KCNN3: variants seen among roughly 807,000 people sequenced by gnomAD.
KCNN3 encodes the protein potassium calcium-activated channel subfamily N member 3, also known as small conductance calcium-activated potassium channel protein 3.
A neutral mutation model predicts 62.9 loss-of-function variants in KCNN3; 16 were observed. The ratio of observed to expected loss-of-function variants is 0.25; its 90% CI spans 0.17 to 0.39. The LOEUF (loss-of-function observed/expected upper bound fraction) is 0.39. KCNN3 is among the 10% of genes least tolerant of loss of function. The probability of loss-of-function intolerance (pLI) is 1.00; values close to 1 mark genes in which losing one functional copy is unlikely to be tolerated. For missense variants in KCNN3, 599 were observed against 949.4 expected (o/e 0.63, Z 4.85); for synonymous variants, 370 against 389.2 (o/e 0.95, Z 0.58).
At chr1:154,860,007 GC>G in intron 1 of KCNN3, 3 of 221,214 alleles carry the variant, frequency 1.4e-5, no homozygotes, top group Non-Finnish European at 2.3e-5. Context: ...GTTACCCTGT[GC>G]CCAGGGCTTG....
chr1:154,756,117 G>A (rs1647680067), intron 3 of KCNN3, among the ~76,000 whole-genome samples: 1 of 131,768 alleles, frequency 7.6e-6, no homozygotes. Flanking sequence ...GAAGAAGGAA[G>A]AGGAAGATGA....
intron 2 of KCNN3, among the ~76,000 whole-genome samples, chr1:154,813,450 G>C (rs754222617): frequency 6.6e-6 from 1 of 152,090 alleles, no homozygotes; most frequent in Non-Finnish European, 1.5e-5. Flanking sequence ...GCCCGCAGGG[G>C]AGGAGGCGTG....
chr1:154,807,972 G>T (rs1397008823), intron 2 of KCNN3, among the ~76,000 whole-genome samples: 1 of 152,156 alleles, frequency 6.6e-6, no homozygotes, highest in Non-Finnish European at 1.5e-5. Flanking sequence ...TCTAAGGTCA[G>T]AGCAGGTCCC....
intron 3 of KCNN3, 46 bp from the exon 4 acceptor site, chr1:154,733,190 G>C: frequency 6.2e-7 from 1 of 1,605,412 alleles, no homozygotes; most frequent in Non-Finnish European, 8.5e-7. Flanking sequence ...GCCATTCCTG[G>C]GAGTAAGGGC....
At position 154,869,974 on chromosome 1, in the gene KCNN3, T is replaced by C; in HGVS notation, c.-10A>G. 4 of 1,609,852 alleles carry C rather than the reference T, an allele frequency of 2.5e-6. No individual in the cohort carries two copies. The highest frequency in any genetic ancestry group is 3.4e-6 in the Non-Finnish European group (4 of 1,178,154). On this transcript the variant is annotated 5_prime_UTR_variant, in exon 1 of 8. Transcript: ENST00000271915. The surrounding 1 kb of genome is among the most constrained non-coding windows in gnomAD (Gnocchi z 6.1). Reference sequence around the variant, plus strand: ...GCCCAGAAGTGTCCATCTTGGGGCCTGGCTGTATTCCCTGCAGCACAAGCC... The same window carrying C: ...GCCCAGAAGTGTCCATCTTGGGGCCCGGCTGTATTCCCTGCAGCACAAGCC...
At chr1:154,803,282 C>T (rs1342158280) in intron 2 of KCNN3, among the ~76,000 whole-genome samples, 3 of 152,218 alleles carry the variant, frequency 2.0e-5, no homozygotes, top group Non-Finnish European at 2.9e-5. Flanking sequence ...GGCTTTCACG[C>T]AAGCCCCAGG....
intron 3 of KCNN3, among the ~76,000 whole-genome samples, chr1:154,734,795 A>G (rs1222032941): frequency 6.6e-6 from 1 of 152,228 alleles, no homozygotes; most frequent in East Asian, 1.9e-4. Context: ...AACAGTCTTT[A>G]AAGTATTTCC....
At chr1:154,793,692 A>C (rs976896911) in intron 2 of KCNN3, among the ~76,000 whole-genome samples, 1 of 152,202 alleles carries the variant, frequency 6.6e-6, no homozygotes, top group African/African-American at 2.4e-5. Flanking sequence ...AATAGAACAC[A>C]AAAAGCCTGC....
At chr1:154,848,867 A>G (rs546950450) in intron 1 of KCNN3, among the ~76,000 whole-genome samples, 2 of 152,270 alleles carry the variant, frequency 1.3e-5, no homozygotes, top group East Asian at 1.9e-4. Flanking sequence ...CTTGCCTCAG[A>G]GTTACGGCAG....
chr1:154,705,387 C>CTT lies in KCNN3; in HGVS notation c.*2587_*2588dup, dbSNP rs201239563. Reference sequence around the variant, plus strand: ...CAGGATCAATGTGCAGGTTTGATCACTTTTTTTTTGAAGCATTTTCTTTTG... The same window carrying CTT: ...CAGGATCAATGTGCAGGTTTGATCACTTTTTTTTTTTGAAGCATTTTCTTTTG... On this transcript the variant is annotated 3_prime_UTR_variant, in exon 8 of 8. Transcript: ENST00000271915. 6.6e-6 allele frequency: 1 copy of CTT among 151,582 alleles called. No individual in the cohort carries two copies. The highest frequency in any genetic ancestry group is 6.6e-5 in the Admixed American group (1 of 15,226). The allele number at this position is 151,582 out of a possible 1,614,324, so 9.4% of individuals were successfully genotyped here. A position where few individuals can be genotyped will look rare whatever the true frequency, so the allele number is the denominator to read the frequency against.
chr1:154,818,238 A>T (rs949880697), intron 2 of KCNN3, among the ~76,000 whole-genome samples: 2 of 152,202 alleles, frequency 1.3e-5, no homozygotes, highest in African/African-American at 4.8e-5. Flanking sequence ...CCATCTTCCA[A>T]CAATGGAGGC....
At chr1:154,820,407 A>G (rs1048477890) in intron 2 of KCNN3, among the ~76,000 whole-genome samples, 1 of 152,234 alleles carries the variant, frequency 6.6e-6, no homozygotes, top group African/African-American at 2.4e-5. Context: ...AGCCTGGGTC[A>G]TAACTGAGTT....
intron 2 of KCNN3, among the ~76,000 whole-genome samples, chr1:154,807,144 T>G (rs1480243699): frequency 6.6e-6 from 1 of 151,842 alleles, no homozygotes; most frequent in Non-Finnish European, 1.5e-5. Flanking sequence ...CATGTTTAGA[T>G]TTGAAAGATG....
At chr1:154,732,241 C>G (rs1700610901) in intron 4 of KCNN3, among the ~76,000 whole-genome samples, 1 of 152,232 alleles carries the variant, frequency 6.6e-6, no homozygotes, top group African/African-American at 2.4e-5. Context: ...CCACATCCCT[C>G]TCATAAGCCA....
At chr1:154,783,126 T>C (rs1255045354) in intron 2 of KCNN3, among the ~76,000 whole-genome samples, 1 of 150,616 alleles carries the variant, frequency 6.6e-6, no homozygotes, top group Non-Finnish European at 1.5e-5. Context: ...GGCAGGAGAA[T>C]GGCCTGAACC....
At chr1:154,813,801 G>A (rs1324966433) in intron 2 of KCNN3, among the ~76,000 whole-genome samples, 1 of 152,168 alleles carries the variant, frequency 6.6e-6, no homozygotes, top group Non-Finnish European at 1.5e-5. Flanking sequence ...AACAAGCCTT[G>A]CTGCCACCAC....
intron 3 of KCNN3, among the ~76,000 whole-genome samples, chr1:154,755,649 AAGAAAGG>A (rs1366087106): frequency 8.0e-6 from 1 of 125,026 alleles, no homozygotes; most frequent in Non-Finnish European, 1.8e-5. Flanking sequence ...AGAAAGAAAG[AAGAAAGG>A]AAGGAAGGAA....
intron 3 of KCNN3, among the ~76,000 whole-genome samples, chr1:154,761,902 T>A (rs1489447500): frequency 6.6e-6 from 1 of 152,178 alleles, no homozygotes; most frequent in Non-Finnish European, 1.5e-5. Context: ...ATGGCGCCAC[T>A]GCACTCCAGC....
chr1:154,727,661 G>A (rs888359729), intron 4 of KCNN3, among the ~76,000 whole-genome samples: 2 of 152,140 alleles, frequency 1.3e-5, no homozygotes, highest in African/African-American at 2.4e-5. Flanking sequence ...TCTTTTGTTC[G>A]AGGACGGCTG....
Sources: gnomAD v4.1 joint callset for allele counts (sites outside exome capture counted in the v4.1 genomes callset) on GRCh38, gnomAD v4.1.1 for gene constraint, Gnocchi (gnomAD v3.1) non-coding constraint, MANE v1.5 for transcripts, NCBI Gene and HGNC (gene_info 2026-07-23, HGNC 2026-07-21) for gene names.